The following EYS variants were observed in gnomAD, a reference collection of about 807,000 sequenced individuals.
EYS encodes EGF-like photoreceptor maintenance factor.
A neutral mutation model predicts 282.1 loss-of-function variants in EYS; 250 were observed. That is an observed-to-expected ratio of 0.89 (90% CI 0.80 to 0.98). The LOEUF (loss-of-function observed/expected upper bound fraction) is 0.98. Ranked by LOEUF, EYS falls within the 50% of genes least tolerant of loss-of-function variation. The pLI, the probability that EYS is intolerant of heterozygous loss-of-function variation, is 0.00. For missense variants in EYS, 4,016 were observed against 3,709.0 expected (o/e 1.08, Z -2.15); for synonymous variants, 1,355 against 1,282.9 (o/e 1.06, Z -1.20).
intron 31 of EYS, among the ~76,000 whole-genome samples, chr6:64,173,445 T>C (rs1443671583): frequency 6.6e-6 from 1 of 152,192 alleles, no homozygotes. Flanking sequence ...CCTTGGAGTT[T>C]AGGAGTTTAT....
chr6:65,490,458 A>G (rs1765997529), intron 5 of EYS, 136 bp downstream of exon 5: 1 of 593,354 alleles, frequency 1.7e-6, no homozygotes, highest in Non-Finnish European at 3.1e-6. Flanking sequence ...AAACTTTACC[A>G]TAAAAGAGTT....
At chr6:65,278,340 T>G (rs560412604) in intron 12 of EYS, among the ~76,000 whole-genome samples, 1 of 146,528 alleles carries the variant, frequency 6.8e-6, no homozygotes, top group African/African-American at 2.5e-5. Context: ...ATATATAGAA[T>G]CTATATATTC....
At chr6:63,818,076 A>C (rs1001446256) in intron 36 of EYS, among the ~76,000 whole-genome samples, 1 of 152,230 alleles carries the variant, frequency 6.6e-6, no homozygotes, top group Non-Finnish European at 1.5e-5. Context: ...AAAATACCTA[A>C]GATTATAAAA....
At chr6:63,749,854 T>C (rs1582169232) in intron 41 of EYS, among the ~76,000 whole-genome samples, 1 of 152,342 alleles carries the variant, frequency 6.6e-6, no homozygotes, top group Admixed American at 6.5e-5. Context: ...CTTCCCTCAG[T>C]CTGCTCTCAG....
intron 15 of EYS, among the ~76,000 whole-genome samples, chr6:64,936,877 T>C (rs1768924283): frequency 6.6e-6 from 1 of 151,318 alleles, no homozygotes; most frequent in Admixed American, 6.6e-5. Flanking sequence ...AGCAAAACAA[T>C]GATGGAACAA....
At chr6:64,412,126 T>C (rs1343361828) in intron 28 of EYS, among the ~76,000 whole-genome samples, 1 of 151,724 alleles carries the variant, frequency 6.6e-6, no homozygotes, top group East Asian at 1.9e-4. Context: ...TTGAAAAATA[T>C]GGCCAATAAA....
intron 29 of EYS, among the ~76,000 whole-genome samples, chr6:64,326,870 A>T (rs1000946939): frequency 3.9e-5 from 6 of 152,218 alleles, no homozygotes; most frequent in African/African-American, 1.4e-4. Flanking sequence ...CTAAGGCAAG[A>T]CCCATCCCAT....
Position 65,405,256 on chromosome 6 carries a change from G to A in EYS, c.974C>T (p.Ser325Phe), listed in dbSNP as rs1414758922. ...GACATCAGTTTCACCATTTTGGCTG[G>A]AAGATCCTTTTGGGCATTCATAAGT... is the stretch of plus-strand genomic sequence containing the variant. Reference protein sequence around the residue: ...AYTYECPKGSSSQNGETDVSE... With the variant: ...AYTYECPKGSFSQNGETDVSE... Residue 325 changes from serine to phenylalanine, a missense_variant, in exon 6 of 43, where the codon TCC (serine) becomes TTC (phenylalanine). By Grantham distance (155) the Ser-to-Phe change is radical (BLOSUM62 -2). Coordinates refer to ENST00000503581, the MANE Select transcript of EYS (RefSeq NM_001142800.2). 2 of 1,613,206 alleles carry A rather than the reference G, an allele frequency of 1.2e-6. No individual in the cohort carries two copies. Among genetic ancestry groups the A allele is most frequent in the Non-Finnish European group, 1.7e-6 (2 of 1,179,506 alleles).
Position 63,951,622 on chromosome 6 carries a change from C to G in EYS, c.7055+32761G>C, listed in dbSNP as rs565532112. On this transcript the variant is annotated intron_variant, in intron 35 of 42. Transcript: ENST00000503581. ...GGCTCCAATTCTTCCTCAGCTTCTGCTCCTCTACCCTATAATCCTTTTATC... is the reference window on the plus strand; with the variant it reads ...GGCTCCAATTCTTCCTCAGCTTCTGGTCCTCTACCCTATAATCCTTTTATC... Among the ~76,000 whole-genome samples the G allele has an allele frequency of 3.9e-5, 6 of 152,284 alleles. No homozygotes were observed. The East Asian group carries it at 1.2e-3, about 29-fold the overall frequency.
chr6:64,650,589 A>AACTT (rs75953346), intron 22 of EYS, among the ~76,000 whole-genome samples: 15,921 of 152,064 alleles, frequency 0.1, 983 homozygotes, highest in East Asian at 0.16. Flanking sequence ...AGAAAATATA[A>AACTT]ACTTACAATA....
At chr6:64,636,414 C>A (rs530815182) in intron 22 of EYS, among the ~76,000 whole-genome samples, 161 of 152,316 alleles carry the variant, frequency 1.1e-3, no homozygotes, top group African/African-American at 3.6e-3. Flanking sequence ...TGGATCCCGT[C>A]CTTACATCTT....
chr6:64,956,815 G>C (rs192424120), intron 14 of EYS, among the ~76,000 whole-genome samples: 34 of 152,158 alleles, frequency 2.2e-4, no homozygotes, highest in Admixed American at 2.0e-4. Flanking sequence ...CACACAAATG[G>C]CAAACAGGCA....
chr6:65,119,179 T>C (rs1775458586), intron 12 of EYS, among the ~76,000 whole-genome samples: 1 of 152,192 alleles, frequency 6.6e-6, no homozygotes, highest in African/African-American at 2.4e-5. Context: ...AGCTTCTAGT[T>C]AAGAAATTGC....
chr6:65,378,430 T>C (rs1765469570), intron 8 of EYS, among the ~76,000 whole-genome samples: 1 of 152,138 alleles, frequency 6.6e-6, no homozygotes, highest in Non-Finnish European at 1.5e-5. Context: ...TTTTACACTG[T>C]TGGTGGGAGT....
chr6:65,187,630 G>A (rs1362667504), intron 12 of EYS, among the ~76,000 whole-genome samples: 1 of 151,570 alleles, frequency 6.6e-6, no homozygotes. Context: ...AGTTAAGCAA[G>A]TTAAATAAAT....
intron 2 of EYS, among the ~76,000 whole-genome samples, chr6:65,536,051 C>T (rs867687068): frequency 1.2e-4 from 18 of 151,816 alleles, no homozygotes; most frequent in Middle Eastern, 3.4e-3. Context: ...AATGTGGTGA[C>T]GTGATGATGA....
At chr6:65,231,312 A>G (rs1184252326) in intron 12 of EYS, among the ~76,000 whole-genome samples, 1 of 150,972 alleles carries the variant, frequency 6.6e-6, no homozygotes, top group Non-Finnish European at 1.5e-5. Flanking sequence ...AAAAAATAAA[A>G]TATATAAAAA....
At chr6:64,581,733 A>G (rs1171066164) in intron 26 of EYS, among the ~76,000 whole-genome samples, 1 of 152,138 alleles carries the variant, frequency 6.6e-6, no homozygotes, top group Non-Finnish European at 1.5e-5. Flanking sequence ...GAGCTATTAC[A>G]TACTGTGGCT....
At chr6:65,131,876 C>G (rs1475071993) in intron 12 of EYS, among the ~76,000 whole-genome samples, 1 of 151,706 alleles carries the variant, frequency 6.6e-6, no homozygotes, top group East Asian at 1.9e-4. Context: ...TTAAAAATGA[C>G]AAAGGAGTTG....
Sources: allele counts gnomAD v4.1 joint callset (sites outside exome capture counted in the v4.1 genomes callset), GRCh38; gene constraint gnomAD v4.1.1; transcripts MANE v1.5; gene names NCBI Gene and HGNC (gene_info 2026-07-23, HGNC 2026-07-21).